PCSK5: variants seen among roughly 807,000 people sequenced by gnomAD.
PCSK5 encodes the protein proprotein convertase subtilisin/kexin type 5.
In PCSK5, 129 loss-of-function variants were observed where a neutral mutation model predicts 233.2. The ratio of observed to expected loss-of-function variants is 0.55; its 90% confidence interval spans 0.48 to 0.64. The LOEUF (loss-of-function observed/expected upper bound fraction) is 0.64. Among genes scored for constraint, PCSK5 ranks in the 30% least tolerant of loss-of-function variants. The probability of loss-of-function intolerance (pLI) is 0.00; values close to 1 mark genes in which losing one functional copy is unlikely to be tolerated. For missense variants in PCSK5, 2,076 were observed against 2,430.1 expected, an observed-to-expected ratio of 0.85 and a Z score of 3.06; for synonymous variants, 825 against 879.2, an observed-to-expected ratio of 0.94 and a Z score of 1.09.
rs765276017 is a variant in PCSK5 at position 76,302,160 on chromosome 9, T to C, written c.3547T>C (p.Ser1183Pro). The change falls in exon 28 of 38, where the codon TCT becomes CCT. Residue 1183 changes from serine (S) to proline (P), a missense_variant. This residue lies in a region of PCSK5 where 1,510 missense variants were observed against 1,538.1 expected (regional missense o/e 0.98). Coordinates refer to ENST00000674117, the MANE Select transcript of PCSK5 (RefSeq NM_001372043.1). ...AGAAGCTGTGTCCACTGCAAACCTA[T>C]CTGTGGTGAAGAGCCTGCTGCAGGA... Reference protein sequence around the residue: ...WNEAVSTANLSVVKSLLQERR... With the variant: ...WNEAVSTANLPVVKSLLQERR... 7.4e-7 allele frequency: 1 copy of C among 1,348,910 alleles called. No individual in the cohort carries two copies. The allele number at this position is 1,348,910 out of a possible 1,614,324, so 83.6% of individuals were successfully genotyped here. A position where few individuals can be genotyped will look rare whatever the true frequency, so the allele number is the denominator to read the frequency against.
At chr9:76,174,709 C>T (rs1333241042) in intron 13 of PCSK5, among the ~76,000 whole-genome samples, 1 of 152,198 alleles carries the variant, frequency 6.6e-6, no homozygotes, top group Non-Finnish European at 1.5e-5. Flanking sequence ...ATCCAGCAAT[C>T]TGAAGTGTGT....
At chr9:76,190,046 C>G (rs1824294081) in intron 20 of PCSK5, among the ~76,000 whole-genome samples, 1 of 152,064 alleles carries the variant, frequency 6.6e-6, no homozygotes, top group Non-Finnish European at 1.5e-5. Flanking sequence ...GCAGAAAGTT[C>G]AGAAATTTCC....
At chr9:76,101,638 C>T (rs969776045) in intron 8 of PCSK5, among the ~76,000 whole-genome samples, 1 of 152,244 alleles carries the variant, frequency 6.6e-6, no homozygotes, top group East Asian at 1.9e-4. Context: ...TCTCAGATTC[C>T]TCCTGGGAGG....
At chr9:76,333,928 GTGTT>G (rs754456167) in intron 34 of PCSK5, among the ~76,000 whole-genome samples, 28 of 152,170 alleles carry the variant, frequency 1.8e-4, no homozygotes, top group Admixed American at 8.5e-4. Context: ...AAGACTGACT[GTGTT>G]TGTTTTCACG....
At chr9:76,197,276 C>T (rs1030983231) in intron 20 of PCSK5, among the ~76,000 whole-genome samples, 1 of 152,194 alleles carries the variant, frequency 6.6e-6, no homozygotes, top group Non-Finnish European at 1.5e-5. Flanking sequence ...TGAATCCCCA[C>T]ATCCATGGGA....
At position 76,122,025 on chromosome 9, in the gene PCSK5, G is replaced by T. The variant is rs1335693753; in HGVS notation, c.1209-12084G>T. On this transcript the variant is annotated intron_variant, in intron 9 of 37. Coordinates refer to ENST00000674117, the MANE Select transcript of PCSK5 (RefSeq NM_001372043.1). The stretch of plus-strand genomic sequence containing the variant: ...TTTTTAGTAGAGACGGGGTTTCACC[G>T]TTTTAGCCGGGATGGTCTCGATCTC... Among the ~76,000 whole-genome samples the T allele has an allele frequency of 2.7e-5, 3 of 112,808 alleles. 1 individual carries two copies. The highest frequency in any genetic ancestry group is 5.9e-5 in the African/African-American group (2 of 33,894). 74.0% of individuals were successfully genotyped at this position (112,808 alleles called of 152,430 possible). A position where few individuals can be genotyped will look rare whatever the true frequency, so the allele number is the denominator to read the frequency against.
chr9:76,177,248 C>T (rs559743114), intron 14 of PCSK5, among the ~76,000 whole-genome samples: 372 of 151,820 alleles, frequency 2.5e-3, no homozygotes, highest in Non-Finnish European at 3.2e-3. Flanking sequence ...GAGCCGGGAT[C>T]GTGCCACTTC....
intron 8 of PCSK5, among the ~76,000 whole-genome samples, chr9:76,104,057 A>C (rs1831877571): frequency 6.6e-6 from 1 of 152,204 alleles, no homozygotes; most frequent in Non-Finnish European, 1.5e-5. Flanking sequence ...TGTTGTGATT[A>C]ATGGGGATAT....
At chr9:76,000,924 T>G (rs1827234093) in intron 3 of PCSK5, among the ~76,000 whole-genome samples, 1 of 152,140 alleles carries the variant, frequency 6.6e-6, no homozygotes, top group Admixed American at 6.5e-5. Context: ...TTCCTTTTTT[T>G]TTTTTAAACT....
At chr9:76,236,231 T>G (rs1045771112) in intron 22 of PCSK5, among the ~76,000 whole-genome samples, 7 of 152,356 alleles carry the variant, frequency 4.6e-5, no homozygotes, top group African/African-American at 1.7e-4. Context: ...TCTTTTATCC[T>G]TTCCAGCAGT....
intron 2 of PCSK5, among the ~76,000 whole-genome samples, chr9:75,940,914 G>T (rs1247055989): frequency 6.6e-6 from 1 of 152,204 alleles, no homozygotes; most frequent in African/African-American, 2.4e-5. Context: ...TGGAGTTAAA[G>T]AACCTTATTT....
At chr9:76,024,014 T>C (rs1292846907) in intron 4 of PCSK5, 133 bp downstream of exon 4, 7 of 636,090 alleles carry the variant, frequency 1.1e-5, no homozygotes, top group Non-Finnish European at 1.5e-5. Flanking sequence ...TGCTTCTCTC[T>C]GGTAAAAGAT....
chr9:76,144,145 C>T (rs933358983), intron 10 of PCSK5, among the ~76,000 whole-genome samples: 2 of 152,052 alleles, frequency 1.3e-5, no homozygotes, highest in African/African-American at 2.4e-5. Flanking sequence ...TTCTTTTTCT[C>T]GGCCCTGAAG....
intron 33 of PCSK5, among the ~76,000 whole-genome samples, chr9:76,329,838 AAAAAG>A: frequency 6.6e-6 from 1 of 152,126 alleles, no homozygotes; most frequent in East Asian, 1.9e-4. Flanking sequence ...ATCTCAGAAA[AAAAAG>A]AAAAGAAAGG....
chr9:76,207,392 G>A (rs1825161550), intron 20 of PCSK5, among the ~76,000 whole-genome samples: 1 of 152,192 alleles, frequency 6.6e-6, no homozygotes, highest in Non-Finnish European at 1.5e-5. Flanking sequence ...ACATTACCAT[G>A]TGGTACACAC....
intron 14 of PCSK5, 67 bp downstream of exon 14, chr9:76,175,196 A>T (rs199843133): frequency 7.4e-7 from 1 of 1,353,220 alleles, no homozygotes; most frequent in South Asian, 1.2e-5. Context: ...ACCACATGGG[A>T]GAACAGAATG....
intron 6 of PCSK5, 89 bp downstream of exon 6, chr9:76,068,132 A>G: frequency 1.1e-6 from 1 of 890,976 alleles, no homozygotes; most frequent in East Asian, 2.4e-5. Context: ...AATGGAGGTT[A>G]AACGATTGGG....
Position 76,332,247 on chromosome 9 carries a change from G to T in PCSK5, c.4571-186G>T, listed in dbSNP as rs1829557097. Among the ~76,000 whole-genome samples the T allele has an allele frequency of 6.6e-6, 1 of 152,140 alleles. No homozygotes were observed. The highest frequency in any genetic ancestry group is 2.4e-5 in the African/African-American group (1 of 41,428). On this transcript the variant is annotated intron_variant, in intron 33 of 37. Transcript: ENST00000674117. ...CTTCTGTTTTCCTTGTATTCCTCATGGCCTTAGGGCAATTCTGTTTCTTGG... is the reference window on the plus strand; with the variant it reads ...CTTCTGTTTTCCTTGTATTCCTCATTGCCTTAGGGCAATTCTGTTTCTTGG...
upstream of PCSK5, among the ~76,000 whole-genome samples, chr9:75,890,332 AATGAATC>A (rs561177172): frequency 1.3e-3 from 203 of 152,326 alleles, no homozygotes; most frequent in African/African-American, 4.7e-3. Context: ...AACGAGGATG[AATGAATC>A]TTCAGGGCGG....
Sources: gnomAD v4.1 joint callset for allele counts (sites outside exome capture counted in the v4.1 genomes callset) on GRCh38, gnomAD v4.1.1 for gene constraint, gnomAD v4.1.1 regional missense constraint, MANE v1.5 for transcripts, NCBI Gene and HGNC (gene_info 2026-07-23, HGNC 2026-07-21) for gene names.